The following CSMD1 variants were observed in gnomAD, a reference collection of about 807,000 sequenced individuals.
The protein encoded by CSMD1 is CUB and Sushi multiple domains 1.
A neutral mutation model predicts 417.5 loss-of-function variants in CSMD1; 213 were observed. That is an observed-to-expected ratio of 0.51 (90% CI 0.46 to 0.57). CSMD1 has a LOEUF of 0.57. Ranked by LOEUF, CSMD1 falls within the 20% of genes least tolerant of loss-of-function variation. CSMD1 has a pLI of 0.00. For synonymous variants in CSMD1, 2,862 were observed against 1,736.8 expected, an observed-to-expected ratio of 1.65 and a Z score of -16.11; for missense variants, 6,923 against 4,529.7, an observed-to-expected ratio of 1.53 and a Z score of -15.17.
intron 1 of CSMD1, among the ~76,000 whole-genome samples, chr8:4,790,628 G>C (rs1027344928): frequency 2.6e-5 from 4 of 152,006 alleles, no homozygotes; most frequent in Non-Finnish European, 4.4e-5. Context: ...TGGTACAAAA[G>C]CAGACACATA....
At chr8:3,992,983 T>C (rs777328748) in intron 5 of CSMD1, among the ~76,000 whole-genome samples, 6 of 152,160 alleles carry the variant, frequency 3.9e-5, no homozygotes, top group Non-Finnish European at 5.9e-5. Flanking sequence ...ACGGCCACAG[T>C]TGGACAGGGC....
intron 26 of CSMD1, among the ~76,000 whole-genome samples, chr8:3,272,019 G>C (rs1000928958): frequency 6.6e-6 from 1 of 151,818 alleles, no homozygotes; most frequent in Non-Finnish European, 1.5e-5. Context: ...CCTATGTCCT[G>C]AATGGTAATG....
intron 22 of CSMD1, among the ~76,000 whole-genome samples, chr8:3,344,977 C>G (rs1164473394): frequency 6.6e-6 from 1 of 152,168 alleles, no homozygotes; most frequent in Non-Finnish European, 1.5e-5. Flanking sequence ...GAGCCGGGGT[C>G]TGACATCCAG....
At chr8:4,329,849 TACAC>T (rs3067537) in intron 3 of CSMD1, among the ~76,000 whole-genome samples, 40,143 of 149,942 alleles carry the variant, frequency 0.27, 5,685 homozygotes, top group South Asian at 0.42. Flanking sequence ...CCACCCTGCT[TACAC>T]ACACACACAC....
chr8:3,156,875 G>C (rs1260351012), intron 39 of CSMD1, among the ~76,000 whole-genome samples: 1 of 148,858 alleles, frequency 6.7e-6, no homozygotes, highest in African/African-American at 2.5e-5. Flanking sequence ...TTGGAGCTAA[G>C]AATCACAGGG....
intron 5 of CSMD1, among the ~76,000 whole-genome samples, chr8:3,829,076 T>G (rs1802222043): frequency 6.6e-6 from 1 of 152,080 alleles, no homozygotes; most frequent in African/African-American, 2.4e-5. Flanking sequence ...TGGTATTTGT[T>G]TACATGAGCA....
rs897333292 is a variant in CSMD1 at position 4,868,930 on chromosome 8, T to C, written c.85+125402A>G. 3.3e-5 allele frequency among the ~76,000 whole-genome samples: 5 copies of C among 152,030 alleles called. 1 individual carries two copies. Among genetic ancestry groups the C allele is most frequent in the South Asian group, 2.1e-4 (1 of 4,826 alleles). On this transcript the variant is annotated intron_variant, in intron 1 of 69. Transcript: ENST00000635120. ...AACAGGGCAATCACTCATATGTGTG[T>C]AGTTATAGGTATAGATTATACCTAT...
rs562394570 is a variant in CSMD1 at position 4,808,899 on chromosome 8, C to CAA, written c.86-171343_86-171342dup. On this transcript the variant is annotated intron_variant, in intron 1 of 69. Transcript: ENST00000635120. Reference sequence around the variant, plus strand: ...ATCCAATATTCTTTTTCTATGTTTACAAAAAACTGAGCTGGATTATTTGGG... The same window carrying CAA: ...ATCCAATATTCTTTTTCTATGTTTACAAAAAAAACTGAGCTGGATTATTTGGG... Among the ~76,000 whole-genome samples, 10 of 152,246 alleles carry CAA rather than the reference C, an allele frequency of 6.6e-5. No individual in the cohort carries two copies. The South Asian group carries it at 1.7e-3, about 25-fold the overall frequency.
At chr8:3,294,759 C>T (rs1303532436) in intron 25 of CSMD1, among the ~76,000 whole-genome samples, 2 of 152,150 alleles carry the variant, frequency 1.3e-5, no homozygotes, top group South Asian at 2.1e-4. Flanking sequence ...ATTCCCTGAC[C>T]CCTTGCACTT....
rs530639762 is a variant in CSMD1, at chr8:4,652,273, A to C, written c.86-14715T>G. The stretch of plus-strand genomic sequence containing the variant: ...TCAGAATAGAAATCCAGTCTCATTT[A>C]TACTTCGAGACCAGGAATAACTGTG... On this transcript the variant is annotated intron_variant, in intron 1 of 69. Coordinates refer to ENST00000635120, the MANE Select transcript of CSMD1 (RefSeq NM_033225.6). 5.1e-4 allele frequency among the ~76,000 whole-genome samples: 77 copies of C among 152,320 alleles called. No individual in the cohort carries two copies. The South Asian group carries it at 5.4e-3, about 11-fold the overall frequency.
chr8:3,426,968 T>C (rs1813883948), intron 12 of CSMD1, among the ~76,000 whole-genome samples: 1 of 152,136 alleles, frequency 6.6e-6, no homozygotes, highest in South Asian at 2.1e-4. Context: ...GGAAGCAAAG[T>C]GCCTTCTTCA....
intron 2 of CSMD1, among the ~76,000 whole-genome samples, chr8:4,599,704 G>C (rs149287486): frequency 6.6e-6 from 1 of 152,246 alleles, no homozygotes; most frequent in Admixed American, 6.5e-5. Context: ...CCAGGTGATA[G>C]CCAGTCATAG....
At chr8:3,421,050 T>A (rs1473235932) in intron 12 of CSMD1, among the ~76,000 whole-genome samples, 2 of 152,224 alleles carry the variant, frequency 1.3e-5, no homozygotes, top group Admixed American at 1.3e-4. Flanking sequence ...GTGGTGGTGG[T>A]CATTTTATTA....
At chr8:4,486,206 T>TAC (rs1414800979) in intron 2 of CSMD1, among the ~76,000 whole-genome samples, 7 of 17,238 alleles carry the variant, frequency 4.1e-4, no homozygotes, top group South Asian at 1.9e-3. Context: ...TATACATACA[T>TAC]ATATATATAT....
intron 5 of CSMD1, among the ~76,000 whole-genome samples, chr8:3,917,864 T>C (rs772024956): frequency 6.6e-6 from 1 of 152,156 alleles, no homozygotes; most frequent in Non-Finnish European, 1.5e-5. Flanking sequence ...TTAGAAATTT[T>C]AGGCCTTTAA....
chr8:3,441,318 A>G (rs1225296740), intron 12 of CSMD1, among the ~76,000 whole-genome samples: 2 of 152,078 alleles, frequency 1.3e-5, no homozygotes, highest in Non-Finnish European at 2.9e-5. Context: ...TAGTTTCCTT[A>G]GGAAACTAAT....
At chr8:3,294,578 T>C (rs1013559122) in intron 25 of CSMD1, among the ~76,000 whole-genome samples, 43 of 152,134 alleles carry the variant, frequency 2.8e-4, no homozygotes, top group Non-Finnish European at 2.8e-4. Flanking sequence ...ACTGCTGTGC[T>C]AGCAATGAGT....
At chr8:3,666,020 G>A (rs1027697620) in intron 7 of CSMD1, among the ~76,000 whole-genome samples, 8 of 152,168 alleles carry the variant, frequency 5.3e-5, no homozygotes, top group East Asian at 1.9e-4. Flanking sequence ...CAGCCTCCAC[G>A]GAGTAGGTGG....
intron 2 of CSMD1, among the ~76,000 whole-genome samples, chr8:4,634,248 T>G (rs2724968): frequency 6.6e-6 from 1 of 152,026 alleles, no homozygotes; most frequent in African/African-American, 2.4e-5. Context: ...TTTTTAACTC[T>G]AAATGTTTTT....
Sources: gnomAD v4.1 joint callset for allele counts (sites outside exome capture counted in the v4.1 genomes callset) on GRCh38, gnomAD v4.1.1 for gene constraint, MANE v1.5 for transcripts, NCBI Gene and HGNC (gene_info 2026-07-23, HGNC 2026-07-21) for gene names.